The following LSS variants were observed in gnomAD, a reference collection of about 807,000 sequenced individuals.
LSS encodes the protein 2,3-epoxysqualene-lanosterol cyclase.
In LSS, 90 loss-of-function variants were observed where a neutral mutation model predicts 110.3. The ratio of observed to expected loss-of-function variants is 0.82; its 90% CI spans 0.69 to 0.97. The LOEUF (loss-of-function observed/expected upper bound fraction) is 0.97, where lower values mean the gene tolerates loss of function less well. Ranked by LOEUF, LSS falls within the 50% of genes least tolerant of loss-of-function variation. LSS has a pLI of 0.00. For synonymous variants in LSS, 433 were observed against 400.0 expected (o/e 1.08, Z -0.98); for missense variants, 927 against 990.0 (o/e 0.94, Z 0.85).
chr21:46,201,807 T>C (rs2079981201), intron 17 of LSS, among the ~76,000 whole-genome samples: 2 of 151,290 alleles, frequency 1.3e-5, no homozygotes, highest in African/African-American at 4.8e-5. Flanking sequence ...AAATCTTTTT[T>C]TTTTTTTTGA....
rs1358678197 is a variant in LSS at position 46,209,257 on chromosome 21, C to T, written c.1266+297G>A. Among the ~76,000 whole-genome samples the T allele has an allele frequency of 6.6e-6, 1 of 152,118 alleles. No individual in the cohort carries two copies. The highest frequency in any genetic ancestry group is 1.5e-5 in the Non-Finnish European group (1 of 68,002). Reference sequence around the variant, plus strand: ...TGTAGGCTGTGCAGCTCAGGGTACACAGCCCCTGCCCGTGCCTGGCCCTTG... The same window carrying T: ...TGTAGGCTGTGCAGCTCAGGGTACATAGCCCCTGCCCGTGCCTGGCCCTTG... On this transcript the variant is annotated intron_variant, in intron 13 of 21. Transcript: ENST00000397728. This position sits in a 1 kb window ranked among gnomAD's most constrained non-coding sequence, Gnocchi z 4.4.
chr21:46,203,890 C>A lies in LSS; in HGVS notation c.1670+1946G>T, dbSNP rs1050193702. Among the ~76,000 whole-genome samples the A allele has an allele frequency of 4.6e-5, 7 of 152,250 alleles. No homozygotes were observed. In the East Asian group the frequency reaches 1.3e-3, roughly 29 times the overall value. On this transcript the variant is annotated intron_variant, in intron 17 of 21. Coordinates refer to ENST00000397728, the MANE Select transcript of LSS (RefSeq NM_002340.6). ...CTACCACAGCAAGCACCAGAACACA[C>A]ATTTAACTGAATGATATCTCAAAAC...
Position 46,228,611 on chromosome 21 carries a change from C to A in LSS, c.15-12G>T. ...GGCGCCGCAGACACCTGAGGACCACCGGCCATCAGCGACCCAGGCCCCGCC... is the reference window on the plus strand; with the variant it reads ...GGCGCCGCAGACACCTGAGGACCACAGGCCATCAGCGACCCAGGCCCCGCC... On this transcript the variant is annotated splice_polypyrimidine_tract_variant and intron_variant, in intron 1 of 21. Transcript: ENST00000397728. The A allele has an allele frequency of 6.3e-7, 1 of 1,591,296 alleles. No homozygotes were observed. The highest frequency in any genetic ancestry group is 1.7e-4 in the Middle Eastern group (1 of 6,050).
intron 17 of LSS, among the ~76,000 whole-genome samples, chr21:46,198,490 CAAAGTCTCAGCAAGTTATTTTG>C (rs2123704362): frequency 6.6e-6 from 1 of 152,224 alleles, no homozygotes; most frequent in African/African-American, 2.4e-5. Context: ...TAATCCCAAT[CAAAGTCTCAGCAAGTTATTTTG>C]TAAACTATTG....
At chr21:46,205,424 G>A (rs568716452) in intron 17 of LSS, among the ~76,000 whole-genome samples, 32 of 152,322 alleles carry the variant, frequency 2.1e-4, no homozygotes, top group African/African-American at 7.2e-4. Flanking sequence ...GGGGCGGGCC[G>A]AGGGCTCTGG....
At position 46,228,755 on chromosome 21, in the gene LSS, A is replaced by T. The variant is rs375787906; in HGVS notation, c.-10T>A. The T allele has an allele frequency of 3.7e-4, 587 of 1,588,256 alleles. 4 individuals carry two copies. The South Asian group carries it at 4.0e-3, about 11-fold the overall frequency. On this transcript the variant is annotated 5_prime_UTR_variant, in exon 1 of 22. Coordinates refer to ENST00000397728, the MANE Select transcript of LSS (RefSeq NM_002340.6). ...ACGTGCCCTCCGTCATTGCTGCTGC[A>T]GTGCTCTACGCCGCCCACTGCCAGC... is the stretch of plus-strand genomic sequence containing the variant.
intron 17 of LSS, among the ~76,000 whole-genome samples, chr21:46,203,115 A>G (rs1402093055): frequency 4.6e-5 from 7 of 152,246 alleles, no homozygotes; most frequent in Admixed American, 4.6e-4. Flanking sequence ...AGAAGTCACC[A>G]GGCCAGGTCA....
chr21:46,206,587 G>T, intron 16 of LSS, 85 bp downstream of exon 16: 3 of 1,185,374 alleles, frequency 2.5e-6, no homozygotes, highest in South Asian at 2.4e-5. Flanking sequence ...CCTCGGGCAA[G>T]GGGGAAAAGC....
chr21:46,193,581 G>T (rs752529719), intron 20 of LSS: 1 of 417,840 alleles, frequency 2.4e-6, no homozygotes, highest in East Asian at 7.8e-5. Flanking sequence ...GCATCTGTAC[G>T]TGTGTGTACA....
intron 14 of LSS, 35 bp downstream of exon 14, chr21:46,208,216 G>T (rs750162176): frequency 2.3e-5 from 36 of 1,548,950 alleles, no homozygotes; most frequent in Non-Finnish European, 2.6e-6. Flanking sequence ...CCTCCCCTGG[G>T]GGACGGGACA....
In LSS at chr21:46,219,513, T is replaced by C. The variant is rs756803906; in HGVS notation, c.610A>G (p.Ser204Gly). 7 of 1,603,560 alleles carry C rather than the reference T, an allele frequency of 4.4e-6. No homozygotes were observed. In the Admixed American group the frequency reaches 1.2e-4, roughly 27 times the overall value. ...KFWLAVLNVY[S>G]WEGLNTLFPE... Reference sequence around the variant, plus strand: ...AACAGGGTATTGAGGCCTTCCCAGCTGTAAACATTCAGGACAGCCAGCCAG... The same window carrying C: ...AACAGGGTATTGAGGCCTTCCCAGCCGTAAACATTCAGGACAGCCAGCCAG... Residue 204 changes from serine to glycine, a missense_variant, in exon 6 of 22, where the codon AGC (serine) becomes GGC (glycine). Coordinates refer to ENST00000397728, the MANE Select transcript of LSS (RefSeq NM_002340.6).
At chr21:46,206,858 T>A in intron 15 of LSS, 90 bp from the exon 16 acceptor site, 2 of 927,380 alleles carry the variant, frequency 2.2e-6, no homozygotes, top group Non-Finnish European at 3.5e-6. Flanking sequence ...GAGGCAACAC[T>A]AGGGCTGACA....
At position 46,188,829 on chromosome 21, in the gene LSS, G is replaced by A. The variant is rs185253995; in HGVS notation, c.*2275C>T. 23 of 465,546 alleles carry A rather than the reference G, an allele frequency of 4.9e-5. No homozygotes were observed. Among genetic ancestry groups the A allele is most frequent in the Admixed American group, 4.3e-4 (18 of 42,280 alleles). 28.8% of individuals were successfully genotyped at this position (465,546 alleles called of 1,614,324 possible). ...CCTGTGACTTGAAGGCCACTGTGAAGGAAAACAATGCAGTGAAAGAAAGTT... is the reference window on the plus strand; with the variant it reads ...CCTGTGACTTGAAGGCCACTGTGAAAGAAAACAATGCAGTGAAAGAAAGTT... On this transcript the variant is annotated 3_prime_UTR_variant, in exon 22 of 22. Transcript: ENST00000397728.
At chr21:46,211,150 G>A (rs1445477753) in intron 11 of LSS, among the ~76,000 whole-genome samples, 2 of 151,686 alleles carry the variant, frequency 1.3e-5, no homozygotes, top group Non-Finnish European at 2.9e-5. Flanking sequence ...TTTTTGAGAT[G>A]AAGTCTCGCT....
chr21:46,194,772 GC>G, intron 19 of LSS, 111 bp from the exon 20 acceptor site: 1 of 1,077,922 alleles, frequency 9.3e-7, no homozygotes, highest in East Asian at 2.6e-5. Context: ...GCACGATGGG[GC>G]CACCCTACCT....
At chr21:46,202,407 AT>A (rs1323325809) in intron 17 of LSS, among the ~76,000 whole-genome samples, 2 of 149,552 alleles carry the variant, frequency 1.3e-5, no homozygotes, top group Non-Finnish European at 3.0e-5. Flanking sequence ...AAAAAAAAAA[AT>A]AAATAAAATA....
intron 17 of LSS, 102 bp from the exon 18 acceptor site, chr21:46,196,369 C>G: frequency 2.1e-6 from 2 of 938,142 alleles, no homozygotes; most frequent in Admixed American, 2.0e-5. Context: ...AATGGTCTCC[C>G]TTAAAAACCA....
At chr21:46,218,430 C>T (rs1487005414) in intron 6 of LSS, among the ~76,000 whole-genome samples, 1 of 152,070 alleles carries the variant, frequency 6.6e-6, no homozygotes, top group Non-Finnish European at 1.5e-5. Context: ...TTGAGACCAT[C>T]CTGGCCAACA....
intron 17 of LSS, among the ~76,000 whole-genome samples, chr21:46,202,979 G>A (rs1240385372): frequency 3.9e-5 from 6 of 152,224 alleles, no homozygotes; most frequent in African/African-American, 1.2e-4. Flanking sequence ...GGCCACATCC[G>A]GGACTCATTG....
Sources: gnomAD v4.1 joint callset for allele counts (sites outside exome capture counted in the v4.1 genomes callset) on GRCh38, gnomAD v4.1.1 for gene constraint, Gnocchi (gnomAD v3.1) non-coding constraint, MANE v1.5 for transcripts, NCBI Gene and HGNC (gene_info 2026-07-23, HGNC 2026-07-21) for gene names.